The following PTPRD variants were observed in gnomAD, a reference collection of about 807,000 sequenced individuals.
The protein encoded by PTPRD is protein tyrosine phosphatase receptor type D.
A neutral mutation model predicts 214.5 loss-of-function variants in PTPRD; 34 were observed. That is an observed-to-expected ratio of 0.16 (90% CI 0.12 to 0.21). The LOEUF (loss-of-function observed/expected upper bound fraction) is 0.21, where lower values mean the gene tolerates loss of function less well. Among genes scored for constraint, PTPRD ranks in the 10% least tolerant of loss-of-function variants. The pLI, the probability that PTPRD is intolerant of heterozygous loss-of-function variation, is 1.00. For missense variants in PTPRD, 2,545 were observed against 2,398.7 expected (o/e 1.06, Z -1.27); for synonymous variants, 1,128 against 845.7 (o/e 1.33, Z -5.79).
intron 7 of PTPRD, among the ~76,000 whole-genome samples, chr9:9,697,815 TA>T (rs1016004086): frequency 2.0e-5 from 3 of 152,208 alleles, no homozygotes; most frequent in Admixed American, 6.5e-5. Context: ...TCTTTTGAGA[TA>T]ATTTTACATA....
chr9:9,445,229 A>G (rs1398278602), intron 8 of PTPRD, among the ~76,000 whole-genome samples: 2 of 152,180 alleles, frequency 1.3e-5, no homozygotes, highest in African/African-American at 4.8e-5. Context: ...TCCTAGAACC[A>G]AGCAATCATG....
chr9:9,162,774 A>C (rs1377697458), intron 10 of PTPRD, among the ~76,000 whole-genome samples: 2 of 152,080 alleles, frequency 1.3e-5, no homozygotes, highest in East Asian at 1.9e-4. Context: ...AAATTCTTGA[A>C]GGCATTATCT....
chr9:9,597,699 A>T (rs1158966991), intron 7 of PTPRD, among the ~76,000 whole-genome samples: 1 of 152,030 alleles, frequency 6.6e-6, no homozygotes, highest in African/African-American at 2.4e-5. Context: ...TATGTAATTG[A>T]TGGAGAAAAA....
At chr9:10,584,502 A>G (rs971301147) in intron 2 of PTPRD, among the ~76,000 whole-genome samples, 4 of 152,188 alleles carry the variant, frequency 2.6e-5, no homozygotes, top group Non-Finnish European at 5.9e-5. Context: ...GTAGTTCCAG[A>G]TCTGGGTTTC....
chr9:9,671,682 C>G (rs2096835293), intron 7 of PTPRD, among the ~76,000 whole-genome samples: 1 of 152,122 alleles, frequency 6.6e-6, no homozygotes, highest in Non-Finnish European at 1.5e-5. Flanking sequence ...CTCACAAGAT[C>G]TGATGGTTTC....
chr9:8,787,521 A>T (rs2096037702), intron 11 of PTPRD, among the ~76,000 whole-genome samples: 1 of 152,204 alleles, frequency 6.6e-6, no homozygotes, highest in African/African-American at 2.4e-5. Flanking sequence ...GGGTGTACAC[A>T]ATAATCTATA....
intron 8 of PTPRD, among the ~76,000 whole-genome samples, chr9:9,567,380 G>C (rs1323789128): frequency 2.0e-5 from 3 of 151,930 alleles, no homozygotes; most frequent in Non-Finnish European, 4.4e-5. Context: ...CAGCAAAACT[G>C]AGGGAGAAAC....
At chr9:9,082,491 C>A (rs1014076608) in intron 10 of PTPRD, among the ~76,000 whole-genome samples, 5 of 151,454 alleles carry the variant, frequency 3.3e-5, no homozygotes, top group African/African-American at 1.2e-4. Flanking sequence ...ACCTAAGACA[C>A]AAGACAAGGG....
chr9:8,620,826 G>T (rs1346432844), intron 14 of PTPRD, among the ~76,000 whole-genome samples: 1 of 151,934 alleles, frequency 6.6e-6, no homozygotes, highest in African/African-American at 2.4e-5. Context: ...TTGTGATTCA[G>T]GAAAGACATT....
intron 3 of PTPRD, among the ~76,000 whole-genome samples, chr9:10,332,374 C>G (rs904644665): frequency 1.3e-5 from 2 of 151,706 alleles, no homozygotes; most frequent in African/African-American, 4.8e-5. Flanking sequence ...GATCTCCTGC[C>G]CATATATAAA....
In PTPRD at chr9:10,117,220, A is replaced by G. The variant is rs142218066; in HGVS notation, c.-544-83430T>C. On this transcript the variant is annotated intron_variant, in intron 3 of 45. Coordinates refer to ENST00000381196, the MANE Select transcript of PTPRD (RefSeq NM_002839.4). ...TAAATGGCACTTTCAACACGGCAAG[A>G]AAACAGAGTAAATTGCCTACATAAC... 3.3e-3 allele frequency among the ~76,000 whole-genome samples: 500 copies of G among 152,262 alleles called. 3 individuals are homozygous for G. Among genetic ancestry groups the G allele is most frequent in the African/African-American group, 0.012 (483 of 41,568 alleles).
At chr9:9,287,334 G>A (rs553927668) in intron 9 of PTPRD, among the ~76,000 whole-genome samples, 40 of 151,606 alleles carry the variant, frequency 2.6e-4, no homozygotes, top group Non-Finnish European at 3.2e-4. Flanking sequence ...CTATTTCATC[G>A]TCACCTTTTT....
At chr9:8,827,061 A>T (rs776862714) in intron 11 of PTPRD, among the ~76,000 whole-genome samples, 1 of 151,912 alleles carries the variant, frequency 6.6e-6, no homozygotes, top group African/African-American at 2.4e-5. Flanking sequence ...ACACACACAC[A>T]CTACACACAC....
At chr9:10,257,126 C>T (rs2093343818) in intron 3 of PTPRD, among the ~76,000 whole-genome samples, 1 of 152,084 alleles carries the variant, frequency 6.6e-6, no homozygotes, top group East Asian at 1.9e-4. Context: ...GCATAATGCT[C>T]AGTAAATGTT....
chr9:10,485,472 T>C (rs2099126687), intron 2 of PTPRD, among the ~76,000 whole-genome samples: 1 of 152,156 alleles, frequency 6.6e-6, no homozygotes, highest in African/African-American at 2.4e-5. Flanking sequence ...TTTAACAATA[T>C]TGATTCTTTC....
chr9:8,618,398 AC>A (rs925280803), intron 14 of PTPRD, among the ~76,000 whole-genome samples: 3 of 152,118 alleles, frequency 2.0e-5, no homozygotes, highest in Non-Finnish European at 4.4e-5. Context: ...AAAAGAACAA[AC>A]AAAACTCATG....
At chr9:10,355,390 G>A (rs1440735124) in intron 2 of PTPRD, among the ~76,000 whole-genome samples, 2 of 151,790 alleles carry the variant, frequency 1.3e-5, no homozygotes, top group African/African-American at 4.8e-5. Flanking sequence ...AAAACATATT[G>A]CACCATGGAA....
intron 27 of PTPRD, among the ~76,000 whole-genome samples, chr9:8,488,198 G>C (rs2097074113): frequency 6.6e-6 from 1 of 152,136 alleles, no homozygotes; most frequent in South Asian, 2.1e-4. Flanking sequence ...GGACTGATTA[G>C]CCTCTTCATT....
chr9:9,420,848 T>C (rs1235313356), intron 8 of PTPRD, among the ~76,000 whole-genome samples: 1 of 151,994 alleles, frequency 6.6e-6, no homozygotes, highest in Non-Finnish European at 1.5e-5. Context: ...TCTATATATT[T>C]GTAAAGAAAA....
Sources: gnomAD v4.1 joint callset for allele counts (sites outside exome capture counted in the v4.1 genomes callset) on GRCh38, gnomAD v4.1.1 for gene constraint, MANE v1.5 for transcripts, NCBI Gene and HGNC (gene_info 2026-07-23, HGNC 2026-07-21) for gene names.